CALN1: variants seen among roughly 807,000 people sequenced by gnomAD.
The protein encoded by CALN1 is calcium-binding protein 8.
Under a neutral mutation model 30.6 loss-of-function variants are expected in CALN1, and 17 were observed. The observed-to-expected ratio is 0.56, with a 90% confidence interval of 0.38 to 0.83. CALN1 has a LOEUF of 0.83. Among genes scored for constraint, CALN1 ranks in the 40% least tolerant of loss-of-function variants. The probability of loss-of-function intolerance (pLI) is 0.00; values close to 1 mark genes in which losing one functional copy is unlikely to be tolerated. For missense variants in CALN1, 291 were observed against 354.9 expected (o/e 0.82, Z 1.45); for synonymous variants, 156 against 131.4 (o/e 1.19, Z -1.28).
chr7:71,923,129 C>G (rs954672371), intron 5 of CALN1, among the ~76,000 whole-genome samples: 10 of 151,398 alleles, frequency 6.6e-5, no homozygotes, highest in Non-Finnish European at 1.0e-4. Flanking sequence ...ATTTTTGGCC[C>G]AGCCCTGGCT....
At chr7:71,802,685 TA>T (rs1787377381) in intron 6 of CALN1, among the ~76,000 whole-genome samples, 2 of 152,302 alleles carry the variant, frequency 1.3e-5, no homozygotes, top group South Asian at 4.1e-4. Context: ...CAGGCTATGG[TA>T]ATTTTTCCAA....
intron 5 of CALN1, among the ~76,000 whole-genome samples, chr7:71,876,666 T>A (rs558851246): frequency 6.6e-6 from 1 of 152,194 alleles, no homozygotes; most frequent in East Asian, 1.9e-4. Flanking sequence ...CCGGGTGTCC[T>A]CCCCTCCACT....
At chr7:72,162,222 G>A (rs1389599378) in intron 3 of CALN1, among the ~76,000 whole-genome samples, 2 of 151,960 alleles carry the variant, frequency 1.3e-5, no homozygotes, top group Non-Finnish European at 2.9e-5. Flanking sequence ...TGAGTCTTAA[G>A]AGCCAATTTC....
At position 71,791,924 on chromosome 7, in the gene CALN1, T is replaced by C. The variant is rs558170131; in HGVS notation, c.659-4022A>G. Reference sequence around the variant, plus strand: ...TACTGGGGAGGCTGAGGCAGGAGAATGGTGTGAACCCGGGAGGCAGAGCTT... The same window carrying C: ...TACTGGGGAGGCTGAGGCAGGAGAACGGTGTGAACCCGGGAGGCAGAGCTT... On this transcript the variant is annotated intron_variant, in intron 6 of 6. Coordinates refer to ENST00000395275, the MANE Select transcript of CALN1 (RefSeq NM_031468.4). Among the ~76,000 whole-genome samples the C allele has an allele frequency of 2.0e-5, 3 of 151,890 alleles. 1 individual carries two copies. Among genetic ancestry groups the C allele is most frequent in the South Asian group, 2.1e-4 (1 of 4,804 alleles).
rs77165083 is a variant in CALN1 at position 72,019,386 on chromosome 7, G to A, written c.501+4271C>T. Among the ~76,000 whole-genome samples, 721 of 152,206 alleles carry A rather than the reference G, an allele frequency of 4.7e-3. 1 individual carries two copies. Among genetic ancestry groups the A allele is most frequent in the Admixed American group, 6.0e-3 (92 of 15,270 alleles). On this transcript the variant is annotated intron_variant, in intron 5 of 6. Coordinates refer to ENST00000395275, the MANE Select transcript of CALN1 (RefSeq NM_031468.4). Reference sequence around the variant, plus strand: ...GATCCACAATGGCTCCTGCCTCCTGGCATTCACCGGGAGGCTGTTCTCTCC... The same window carrying A: ...GATCCACAATGGCTCCTGCCTCCTGACATTCACCGGGAGGCTGTTCTCTCC...
the CALN1 span, among the ~76,000 whole-genome samples, chr7:72,488,449 C>T: frequency 1.3e-5 from 2 of 151,900 alleles, no homozygotes; most frequent in African/African-American, 4.8e-5. Flanking sequence ...GGTTAGGGGG[C>T]CTAAAGTTCA....
At chr7:71,932,638 C>A (rs746550796) in intron 5 of CALN1, among the ~76,000 whole-genome samples, 1 of 151,708 alleles carries the variant, frequency 6.6e-6, no homozygotes, top group Non-Finnish European at 1.5e-5. Flanking sequence ...ACGGTGAAAC[C>A]CCGTCTCTAC....
chr7:72,109,484 C>T (rs1292731275), intron 3 of CALN1, among the ~76,000 whole-genome samples: 2 of 152,220 alleles, frequency 1.3e-5, no homozygotes, highest in East Asian at 3.8e-4. Context: ...ACCTCCTCCC[C>T]TTTCTTTCCA....
chr7:72,249,183 C>T (rs1028175577), intron 3 of CALN1, among the ~76,000 whole-genome samples: 6 of 152,116 alleles, frequency 3.9e-5, no homozygotes, highest in African/African-American at 9.7e-5. Context: ...CAAGCTCAGG[C>T]CACCCCTGCC....
chr7:72,191,968 G>A (rs558428673), intron 3 of CALN1, among the ~76,000 whole-genome samples: 28 of 152,166 alleles, frequency 1.8e-4, no homozygotes, highest in Admixed American at 1.5e-3. Flanking sequence ...AAAAAACTTC[G>A]ATGGCGATTA....
intron 3 of CALN1, among the ~76,000 whole-genome samples, chr7:72,237,506 G>A (rs1440195858): frequency 6.6e-6 from 1 of 152,196 alleles, no homozygotes; most frequent in Non-Finnish European, 1.5e-5. Context: ...CAGCAGACCA[G>A]GAGAGGCAGA....
chr7:72,133,321 A>T (rs995122882), intron 3 of CALN1, among the ~76,000 whole-genome samples: 1 of 152,190 alleles, frequency 6.6e-6, no homozygotes, highest in Non-Finnish European at 1.5e-5. Flanking sequence ...CAGCTTGAAG[A>T]GGCTACTACT....
chr7:72,408,380 G>A (rs570025008), intron 1 of CALN1, among the ~76,000 whole-genome samples: 6 of 152,148 alleles, frequency 3.9e-5, no homozygotes, highest in African/African-American at 1.2e-4. Flanking sequence ...GGGAGGTGGA[G>A]GTTGCAGTGA....
At chr7:71,974,817 C>T (rs1456295190) in intron 5 of CALN1, among the ~76,000 whole-genome samples, 1 of 152,200 alleles carries the variant, frequency 6.6e-6, no homozygotes, top group Admixed American at 6.5e-5. Flanking sequence ...TGGCCTACGG[C>T]TCTGTAGCTC....
At chr7:72,489,022 A>C in the CALN1 span, among the ~76,000 whole-genome samples, 3 of 152,112 alleles carry the variant, frequency 2.0e-5, no homozygotes, top group African/African-American at 7.2e-5. Flanking sequence ...GATATGGTAA[A>C]ATTTTTTTTT....
At chr7:72,499,769 CTT>C in the CALN1 span, among the ~76,000 whole-genome samples, 197 of 128,572 alleles carry the variant, frequency 1.5e-3, 1 homozygote, top group African/African-American at 6.6e-3. Flanking sequence ...GCAAAACTTT[CTT>C]TCTTTCCTTC....
intron 5 of CALN1, among the ~76,000 whole-genome samples, chr7:71,914,658 C>A (rs1334320891): frequency 6.6e-6 from 1 of 152,088 alleles, no homozygotes; most frequent in Non-Finnish European, 1.5e-5. Flanking sequence ...AATTTATACT[C>A]CCACCAAGAG....
At chr7:72,037,694 T>C (rs959815423) in intron 4 of CALN1, among the ~76,000 whole-genome samples, 13 of 152,086 alleles carry the variant, frequency 8.5e-5, no homozygotes, top group Admixed American at 7.2e-4. Context: ...CTGGAATGCA[T>C]ACACAGCTTC....
intron 5 of CALN1, among the ~76,000 whole-genome samples, chr7:71,935,646 C>T (rs780225336): frequency 1.4e-4 from 22 of 152,128 alleles, no homozygotes; most frequent in Non-Finnish European, 1.8e-4. Context: ...TCGCTTGAAC[C>T]CGGGAGGAGA....
Sources: gnomAD v4.1 joint callset for allele counts (sites outside exome capture counted in the v4.1 genomes callset) on GRCh38, gnomAD v4.1.1 for gene constraint, MANE v1.5 for transcripts, NCBI Gene and HGNC (gene_info 2026-07-23, HGNC 2026-07-21) for gene names.